The following ERAP1 variants were observed in gnomAD, a reference collection of about 807,000 sequenced individuals.
ERAP1 encodes the protein endoplasmic reticulum aminopeptidase 1, also known as adipocyte-derived leucine aminopeptidase.
Under a neutral mutation model 103.7 loss-of-function variants are expected in ERAP1, and 86 were observed. The ratio of observed to expected loss-of-function variants is 0.83; its 90% CI spans 0.70 to 0.99. The LOEUF is 0.99. ERAP1 is among the 50% of genes least tolerant of loss of function. The probability of loss-of-function intolerance (pLI) is 0.00; values close to 1 mark genes in which losing one functional copy is unlikely to be tolerated. For missense variants in ERAP1, 1,009 were observed against 1,128.4 expected (o/e 0.89, Z 1.52); for synonymous variants, 398 against 402.4 (o/e 0.99, Z 0.13).
At chr5:96,884,870 C>G in the ERAP1 span, among the ~76,000 whole-genome samples, 4 of 152,226 alleles carry the variant, frequency 2.6e-5, no homozygotes, top group Non-Finnish European at 4.4e-5. Context: ...TAAGGAAACA[C>G]ACACTCACTG....
chr5:96,827,722 A>T, the ERAP1 span, among the ~76,000 whole-genome samples: 3 of 152,120 alleles, frequency 2.0e-5, no homozygotes, highest in African/African-American at 7.2e-5. Flanking sequence ...TTAGTTTTTT[A>T]AATAGTAGTT....
At chr5:96,769,825 C>T (rs1347098289), downstream of ERAP1, 1 of 149,878 alleles carries the variant, frequency 6.7e-6, no homozygotes, top group African/African-American at 2.5e-5. Context: ...TAAGTGAAAT[C>T]ACTTTTCTTT....
At chr5:96,896,186 T>C in the ERAP1 span, among the ~76,000 whole-genome samples, 1 of 151,944 alleles carries the variant, frequency 6.6e-6, no homozygotes, top group Non-Finnish European at 1.5e-5. Context: ...CTTTTTAAAG[T>C]AGAGAAACTT....
the ERAP1 span, among the ~76,000 whole-genome samples, chr5:96,883,628 T>C: frequency 3.7e-4 from 57 of 152,210 alleles, no homozygotes; most frequent in Admixed American, 1.1e-3. Flanking sequence ...AATAAGATTT[T>C]ACCTTCATTT....
chr5:96,892,223 GTA>G, the ERAP1 span: 1 of 1,441,296 alleles, frequency 6.9e-7, no homozygotes, highest in Non-Finnish European at 9.7e-7. Flanking sequence ...GGATCATAGT[GTA>G]TTTGAGCAGA....
the ERAP1 span, among the ~76,000 whole-genome samples, chr5:96,870,462 T>TA: frequency 0.088 from 13,331 of 152,218 alleles, 684 homozygotes; most frequent in Middle Eastern, 0.15. Flanking sequence ...CTTAATAAGA[T>TA]ACGAAATCAT....
rs375508331 is a variant in ERAP1, at chr5:96,794,729, G to A, written c.919+313C>T. ...CATCCTCTGGGTTCCTGCCAAGCAG[G>A]TGCCAGTAAAGAAAAAATGTAGCCT... On this transcript the variant is annotated intron_variant, in intron 5 of 18. Transcript: ENST00000443439. 7.2e-5 allele frequency among the ~76,000 whole-genome samples: 11 copies of A among 152,282 alleles called. No homozygotes were observed. In the South Asian group the frequency reaches 1.9e-3, roughly 26 times the overall value.
At chr5:96,804,150 C>T (rs1275706780) in intron 1 of ERAP1, among the ~76,000 whole-genome samples, 4 of 152,198 alleles carry the variant, frequency 2.6e-5, no homozygotes, top group African/African-American at 9.7e-5. Context: ...ATCATTAACA[C>T]GTACTAGAAA....
At chr5:96,782,096 G>T (rs147223455) in intron 15 of ERAP1, among the ~76,000 whole-genome samples, 1 of 148,886 alleles carries the variant, frequency 6.7e-6, no homozygotes, top group African/African-American at 2.5e-5. Flanking sequence ...TGCAAGCTCC[G>T]CCCTCCCGGG....
At chr5:96,934,925 G>A in the ERAP1 span, 4,710 of 152,744 alleles carry the variant, frequency 0.031, 138 homozygotes, top group South Asian at 0.088. Context: ...GGGTGGTGGC[G>A]ATGCGCATAC....
At chr5:96,876,394 T>C in the ERAP1 span, 2 of 152,324 alleles carry the variant, frequency 1.3e-5, no homozygotes, top group African/African-American at 2.4e-5. Context: ...CTAAGCTCCA[T>C]TCACACCTGC....
At chr5:96,802,195 T>G (rs968494057) in intron 2 of ERAP1, among the ~76,000 whole-genome samples, 2 of 152,142 alleles carry the variant, frequency 1.3e-5, no homozygotes, top group African/African-American at 2.4e-5. Context: ...CATCAAAGTG[T>G]TGTTGATACT....
chr5:96,905,047 T>C, the ERAP1 span, among the ~76,000 whole-genome samples: 2 of 152,198 alleles, frequency 1.3e-5, no homozygotes, highest in African/African-American at 2.4e-5. Flanking sequence ...TAATATCCGA[T>C]ATACAAGGTT....
chr5:96,836,176 G>GTTTTTTTTTTTTTTTTTTT, the ERAP1 span, among the ~76,000 whole-genome samples: 3 of 106,680 alleles, frequency 2.8e-5, no homozygotes, highest in Non-Finnish European at 3.6e-5. Flanking sequence ...CACCTCTTTG[G>GTTTTTTTTTTTTTTTTTTT]TTTTTTTTTT....
chr5:96,773,029 G>A (rs949306648), downstream of ERAP1: 5 of 153,848 alleles, frequency 3.2e-5, no homozygotes, highest in Non-Finnish European at 7.4e-5. Flanking sequence ...TTTTGTTAGT[G>A]TTTAGAAAAC....
the ERAP1 span, chr5:96,917,471 T>C: frequency 6.2e-7 from 1 of 1,608,388 alleles, no homozygotes; most frequent in Non-Finnish European, 8.5e-7. Flanking sequence ...GGTGAAACTA[T>C]TTTTTGAATC....
exon 20 of ERAP1, chr5:96,762,509 C>T (rs758566539): frequency 2.2e-4 from 125 of 560,286 alleles, no homozygotes; most frequent in East Asian, 3.3e-4. Context: ...TCAGAAGAGC[C>T]GAGACTGATG....
At chr5:96,784,284 C>A (rs995704994) in intron 13 of ERAP1, among the ~76,000 whole-genome samples, 2 of 152,148 alleles carry the variant, frequency 1.3e-5, no homozygotes, top group African/African-American at 2.4e-5. Context: ...CACCTGAGGT[C>A]GGGAGTTCAA....
chr5:96,844,072 C>CT, the ERAP1 span, among the ~76,000 whole-genome samples: 5 of 152,158 alleles, frequency 3.3e-5, no homozygotes, highest in Admixed American at 2.0e-4. Context: ...ATTCTCCTTG[C>CT]TTGGCGCCCT....
Sources: allele counts gnomAD v4.1 joint callset (sites outside exome capture counted in the v4.1 genomes callset), GRCh38; gene constraint gnomAD v4.1.1; transcripts MANE v1.5; gene names NCBI Gene and HGNC (gene_info 2026-07-23, HGNC 2026-07-21).